Variants in IL21R observed in about 807,000 individuals in gnomAD.
IL21R encodes interleukin-21 receptor.
Under a neutral mutation model 41.3 loss-of-function variants are expected in IL21R, and 14 were observed. The ratio of observed to expected loss-of-function variants is 0.34; its 90% CI spans 0.22 to 0.53. IL21R has a LOEUF of 0.53. Ranked by LOEUF, IL21R falls within the 20% of genes least tolerant of loss-of-function variation. The pLI is 0.94. For synonymous variants in IL21R, 286 were observed against 287.6 expected, an observed-to-expected ratio of 0.99 and a Z score of 0.05; for missense variants, 588 against 681.6, an observed-to-expected ratio of 0.86 and a Z score of 1.53.
At chr16:27,441,675 C>T (rs1230890652) in intron 4 of IL21R, among the ~76,000 whole-genome samples, 1 of 152,204 alleles carries the variant, frequency 6.6e-6, no homozygotes, top group Admixed American at 6.5e-5. Flanking sequence ...GATTTGCCAG[C>T]ACGTTGCTGA....
chr16:27,442,927 C>A, intron 4 of IL21R, 35 bp from the exon 5 acceptor site: 1 of 1,551,178 alleles, frequency 6.4e-7, no homozygotes, highest in South Asian at 1.2e-5. Context: ...AGCAAATTCT[C>A]ACCCCATTTT....
At chr16:27,438,929 G>GGT (rs60330499) in intron 4 of IL21R, among the ~76,000 whole-genome samples, 18,551 of 149,022 alleles carry the variant, frequency 0.12, 1,298 homozygotes, top group African/African-American at 0.21. Context: ...GCTTTGGCAT[G>GGT]GTGTGTGTGT....
Position 27,437,037 on chromosome 16 carries a change from T to C in IL21R, c.153-451T>C, listed in dbSNP as rs79505739. Reference sequence around the variant, plus strand: ...CTGCAGTAAGCCATGATCACACTACTATACTCCAGCCTGGGGCCAGAGTGA... The same window carrying C: ...CTGCAGTAAGCCATGATCACACTACCATACTCCAGCCTGGGGCCAGAGTGA... On this transcript the variant is annotated intron_variant, in intron 3 of 8. Coordinates refer to ENST00000337929, the MANE Select transcript of IL21R (RefSeq NM_181078.3). 9.8e-3 allele frequency among the ~76,000 whole-genome samples: 1,493 copies of C among 152,162 alleles called. 12 individuals carry two copies. The highest frequency in any genetic ancestry group is 0.017 in the Non-Finnish European group (1,138 of 67,984).
At chr16:27,417,417 T>C (rs2086907386) in intron 1 of IL21R, among the ~76,000 whole-genome samples, 1 of 152,226 alleles carries the variant, frequency 6.6e-6, no homozygotes, top group African/African-American at 2.4e-5. Flanking sequence ...CCCTCCCGCC[T>C]TGGCCTCCCA....
rs758614884 is a variant in IL21R, at chr16:27,444,692, C to T, written c.658C>T (p.Pro220Ser). 1 of 1,524,512 alleles carries T rather than the reference C, an allele frequency of 6.6e-7. No homozygotes were observed. The highest frequency in any genetic ancestry group is 8.8e-7 in the Non-Finnish European group (1 of 1,136,326). The allele number at this position is 1,524,512 out of a possible 1,614,324, so 94.4% of individuals were successfully genotyped here. A position where few individuals can be genotyped will look rare whatever the true frequency, so the allele number is the denominator to read the frequency against. ...GGGGACCTGGAGTGAATGGAGTGAC[C>T]CGGTCATCTTTCAGACCCAGTCAGA... ...YQGTWSEWSD[P>S]VIFQTQSEEL... The change falls in exon 6 of 9, where the codon CCG becomes TCG. Residue 220 changes from proline (P) to serine (S), a missense_variant. Pro to Ser is a moderately conservative substitution (Grantham distance 74, BLOSUM62 -1). Coordinates refer to ENST00000337929, the MANE Select transcript of IL21R (RefSeq NM_181078.3).
intron 1 of IL21R, among the ~76,000 whole-genome samples, chr16:27,408,716 T>C (rs1158136): frequency 0.23 from 35,560 of 152,042 alleles, 4,351 homozygotes; most frequent in African/African-American, 0.3. Context: ...GAGTCCCTCT[T>C]CGCCCACCTC....
intron 1 of IL21R, among the ~76,000 whole-genome samples, chr16:27,404,849 T>G (rs1433072772): frequency 6.6e-6 from 1 of 152,082 alleles, no homozygotes; most frequent in African/African-American, 2.4e-5. Flanking sequence ...TAAGAATGCC[T>G]GTCTTAGGTC....
At position 27,430,218 on chromosome 16, in the gene IL21R, G is replaced by C. The variant is rs530736706; in HGVS notation, c.49+98G>C. 30 of 999,816 alleles carry C rather than the reference G, an allele frequency of 3.0e-5. No individual in the cohort carries two copies. In the African/African-American group the frequency reaches 4.6e-4, roughly 15 times the overall value. The allele number at this position is 999,816 out of a possible 1,614,324, so 61.9% of individuals were successfully genotyped here. Reference sequence around the variant, plus strand: ...TTCTGGGCTCAAAAACACGGCTAGAGTCCACAGATTCAGAAAAGATGACAT... The same window carrying C: ...TTCTGGGCTCAAAAACACGGCTAGACTCCACAGATTCAGAAAAGATGACAT... On this transcript the variant is annotated intron_variant, in intron 2 of 8. Transcript: ENST00000337929.
Position 27,450,330 on chromosome 16 carries a change from G to A in IL21R, c.*1047G>A, listed in dbSNP as rs1019106093. 4.3e-6 allele frequency: 1 copy of A among 231,858 alleles called. No individual in the cohort carries two copies. The highest frequency in any genetic ancestry group is 8.5e-6 in the Non-Finnish European group (1 of 117,220). The allele number at this position is 231,858 out of a possible 1,614,324, so 14.4% of individuals were successfully genotyped here. A position where few individuals can be genotyped will look rare whatever the true frequency, so the allele number is the denominator to read the frequency against. Reference sequence around the variant, plus strand: ...AAACACCAATTACGTAGCAGGCCATGGCTCATGGGACCCACCCCCCGTGGC... The same window carrying A: ...AAACACCAATTACGTAGCAGGCCATAGCTCATGGGACCCACCCCCCGTGGC... On this transcript the variant is annotated 3_prime_UTR_variant, in exon 9 of 9. Coordinates refer to ENST00000337929, the MANE Select transcript of IL21R (RefSeq NM_181078.3).
intron 1 of IL21R, among the ~76,000 whole-genome samples, chr16:27,412,285 T>C (rs1423886193): frequency 6.6e-6 from 1 of 152,204 alleles, no homozygotes; most frequent in East Asian, 1.9e-4. Flanking sequence ...TTCTTTTCCA[T>C]TGGTCTGTAT....
chr16:27,422,715 C>G (rs1027214797), intron 1 of IL21R, among the ~76,000 whole-genome samples: 2 of 152,048 alleles, frequency 1.3e-5, no homozygotes, highest in Admixed American at 1.3e-4. Context: ...TGCCATTTTC[C>G]AATTCACCTA....
chr16:27,420,693 T>C (rs2086985630), intron 1 of IL21R, among the ~76,000 whole-genome samples: 1 of 152,240 alleles, frequency 6.6e-6, no homozygotes, highest in South Asian at 2.1e-4. Flanking sequence ...TCTTTGCATA[T>C]TCTAAATACC....
At chr16:27,438,622 C>T (rs1766301698) in intron 4 of IL21R, among the ~76,000 whole-genome samples, 1 of 152,202 alleles carries the variant, frequency 6.6e-6, no homozygotes, top group South Asian at 2.1e-4. Flanking sequence ...AATCCCAGCA[C>T]TTTGGGAAGC....
chr16:27,422,765 C>A (rs2087017110), intron 1 of IL21R, among the ~76,000 whole-genome samples: 1 of 152,138 alleles, frequency 6.6e-6, no homozygotes, highest in Non-Finnish European at 1.5e-5. Context: ...CATTGTTGAT[C>A]ATTTGATACT....
chr16:27,437,082 G>A (rs573511737), intron 3 of IL21R, among the ~76,000 whole-genome samples: 4 of 152,190 alleles, frequency 2.6e-5, no homozygotes, highest in Admixed American at 6.5e-5. Flanking sequence ...TCAAAAAAAT[G>A]GATGTTGGAC....
chr16:27,444,411 C>A (rs989868734), intron 5 of IL21R, 131 bp from the exon 6 acceptor site: 23 of 576,392 alleles, frequency 4.0e-5, no homozygotes, highest in African/African-American at 5.9e-5. Flanking sequence ...CAGGCATAGG[C>A]TTGATTCTTG....
At chr16:27,404,934 C>T (rs1228282247) in intron 1 of IL21R, among the ~76,000 whole-genome samples, 1 of 152,162 alleles carries the variant, frequency 6.6e-6, no homozygotes, top group Non-Finnish European at 1.5e-5. Flanking sequence ...GGTCCTGAAG[C>T]TCTGGGGTAC....
chr16:27,405,720 C>T (rs2086733332), intron 1 of IL21R, among the ~76,000 whole-genome samples: 3 of 152,200 alleles, frequency 2.0e-5, no homozygotes, highest in Admixed American at 2.0e-4. Flanking sequence ...TCACAGGTGC[C>T]ACCGCCCCCA....
intron 4 of IL21R, among the ~76,000 whole-genome samples, chr16:27,440,248 T>TATATATATATATATAGAGAGAGAG (rs1352160946): frequency 3.1e-5 from 2 of 64,040 alleles, no homozygotes; most frequent in South Asian, 5.0e-4. Context: ...TATATATATA[T>TATATATATATATATAGAGAGAGAG]AGAGAGAGAG....
Sources: allele counts gnomAD v4.1 joint callset (sites outside exome capture counted in the v4.1 genomes callset), GRCh38; gene constraint gnomAD v4.1.1; transcripts MANE v1.5; gene names NCBI Gene and HGNC (gene_info 2026-07-23, HGNC 2026-07-21).